Variants in NCAM2 observed in about 807,000 individuals in gnomAD.
NCAM2 encodes the protein N-CAM-2.
A neutral mutation model predicts 98.1 loss-of-function variants in NCAM2; 30 were observed. The observed-to-expected ratio is 0.31, with a 90% CI of 0.23 to 0.41. The LOEUF (loss-of-function observed/expected upper bound fraction) is 0.41. NCAM2 is among the 10% of genes least tolerant of loss of function. NCAM2 has a pLI of 1.00. For missense variants in NCAM2, 867 were observed against 1,005.8 expected, an observed-to-expected ratio of 0.86 and a Z score of 1.87; for synonymous variants, 368 against 342.4, an observed-to-expected ratio of 1.07 and a Z score of -0.83.
chr21:21,074,642 G>A (rs913439317), intron 1 of NCAM2, among the ~76,000 whole-genome samples: 1 of 152,184 alleles, frequency 6.6e-6, no homozygotes, highest in Non-Finnish European at 1.5e-5. Context: ...AGGTGGAGAA[G>A]GTGAGAAGCA....
intron 12 of NCAM2, among the ~76,000 whole-genome samples, chr21:21,455,586 A>T (rs1982025484): frequency 6.6e-6 from 1 of 152,052 alleles, no homozygotes; most frequent in Non-Finnish European, 1.5e-5. Flanking sequence ...TATCAAAATA[A>T]CGTGTAATCT....
At chr21:21,258,286 A>C (rs112345779) in intron 1 of NCAM2, among the ~76,000 whole-genome samples, 2,915 of 152,262 alleles carry the variant, frequency 0.019, 93 homozygotes, top group African/African-American at 0.067. Context: ...GGGGATTTTC[A>C]AGATGGCTGA....
intron 1 of NCAM2, among the ~76,000 whole-genome samples, chr21:21,127,270 A>G (rs2066845551): frequency 6.6e-6 from 1 of 151,884 alleles, no homozygotes; most frequent in African/African-American, 2.4e-5. Context: ...TTTTCTCTGA[A>G]ACGAAAAACT....
chr21:21,529,345 T>G (rs1989499199), intron 16 of NCAM2, among the ~76,000 whole-genome samples: 1 of 152,236 alleles, frequency 6.6e-6, no homozygotes, highest in Non-Finnish European at 1.5e-5. Context: ...AACATGAAAT[T>G]TTCAATATTA....
In NCAM2 at chr21:21,338,482, A is replaced by G; in HGVS notation, c.992A>G (p.Glu331Gly). Residue 331 changes from glutamate to glycine, a missense_variant, in exon 8 of 18, where the codon GAA (glutamate) becomes GGA (glycine). Glu to Gly is a moderately conservative substitution (Grantham distance 98, BLOSUM62 -2). This residue lies in a region of NCAM2 where 447 missense variants were observed against 495.7 expected (regional missense o/e 0.90). Transcript: ENST00000400546. ...VCDAEGEPIP[E>G]ITWKRAVDGF... ...GATGCGGAAGGGGAGCCTATTCCAG[A>G]AATCACTTGGAAAAGAGCTGTGGAT... 6.2e-7 allele frequency: 1 copy of G among 1,612,850 alleles called. No individual in the cohort carries two copies. The highest frequency in any genetic ancestry group is 8.5e-7 in the Non-Finnish European group (1 of 1,179,386).
chr21:21,511,951 G>C (rs1369542781), intron 16 of NCAM2, among the ~76,000 whole-genome samples: 1 of 151,562 alleles, frequency 6.6e-6, no homozygotes, highest in Admixed American at 6.6e-5. Flanking sequence ...TATTTGTTTT[G>C]TTTTTTTCCT....
intron 1 of NCAM2, among the ~76,000 whole-genome samples, chr21:21,222,995 C>T (rs957511957): frequency 1.3e-5 from 2 of 152,222 alleles, no homozygotes; most frequent in Non-Finnish European, 2.9e-5. Flanking sequence ...GCAGCCATGA[C>T]GTTGATGCAA....
chr21:21,103,300 T>C (rs2066282116), intron 1 of NCAM2, among the ~76,000 whole-genome samples: 1 of 152,026 alleles, frequency 6.6e-6, no homozygotes, highest in Non-Finnish European at 1.5e-5. Context: ...CTGGACACTT[T>C]TCATTTCTTG....
At position 21,466,641 on chromosome 21, in the gene NCAM2, A is replaced by G; in HGVS notation, c.1690A>G (p.Thr564Ala). Residue 564 changes from threonine (T) to alanine (A), a missense_variant, in exon 13 of 18, where the codon ACT (threonine) becomes GCT (alanine). Transcript: ENST00000400546. The part of the protein sequence containing the change: ...VVLNNLEPNT[T>A]YEIRVAAVNG... ...TTTGAACAACCTGGAACCAAATACAACTTATGAAATCAGGGTTGCAGCTGT... is the reference window on the plus strand; with the variant it reads ...TTTGAACAACCTGGAACCAAATACAGCTTATGAAATCAGGGTTGCAGCTGT... 6.2e-7 allele frequency: 1 copy of G among 1,608,402 alleles called. No homozygotes were observed. The highest frequency in any genetic ancestry group is 8.5e-7 in the Non-Finnish European group (1 of 1,176,720).
intron 1 of NCAM2, among the ~76,000 whole-genome samples, chr21:21,068,377 G>T (rs768531803): frequency 6.6e-6 from 1 of 150,550 alleles, no homozygotes; most frequent in Non-Finnish European, 1.5e-5. Context: ...CAGGTGATCC[G>T]CCTGCCTTGG....
chr21:21,454,825 T>C (rs1981883026), intron 12 of NCAM2, among the ~76,000 whole-genome samples: 1 of 151,894 alleles, frequency 6.6e-6, no homozygotes, highest in South Asian at 2.1e-4. Context: ...TGCTCTGTGG[T>C]TTTGTAGCAG....
Position 21,244,831 on chromosome 21 carries a change from G to A in NCAM2, c.56-35747G>A, listed in dbSNP as rs1054012289. Among the ~76,000 whole-genome samples, 4 of 117,120 alleles carry A rather than the reference G, an allele frequency of 3.4e-5. 1 individual carries two copies. The East Asian group carries it at 1.2e-3, about 34-fold the overall frequency. 76.8% of individuals were successfully genotyped at this position (117,120 alleles called of 152,430 possible). A position where few individuals can be genotyped will look rare whatever the true frequency, so the allele number is the denominator to read the frequency against. ...CACTGCACTCCTACCTGGGGACAGA[G>A]TGAGACTCTGTCTAAAAAAAAAAAA... On this transcript the variant is annotated intron_variant, in intron 1 of 17. Transcript: ENST00000400546.
chr21:21,229,534 G>A (rs183816054), intron 1 of NCAM2, among the ~76,000 whole-genome samples: 7 of 151,642 alleles, frequency 4.6e-5, no homozygotes, highest in Non-Finnish European at 7.4e-5. Context: ...CAATGGCTCA[G>A]CTCTTATAGA....
At chr21:21,323,075 G>A (rs2074419367) in intron 5 of NCAM2, among the ~76,000 whole-genome samples, 1 of 152,110 alleles carries the variant, frequency 6.6e-6, no homozygotes, top group African/African-American at 2.4e-5. Flanking sequence ...AACCTTTACT[G>A]TAATAAAAAG....
chr21:21,434,487 T>A lies in NCAM2; in HGVS notation c.1654+2206T>A, dbSNP rs150773114. Among the ~76,000 whole-genome samples the A allele has an allele frequency of 7.7e-4, 118 of 152,306 alleles. 1 individual carries two copies. The highest frequency in any genetic ancestry group is 1.5e-3 in the Non-Finnish European group (102 of 68,014). ...TGTTGATTCATCTTCCATAGGTATG[T>A]TAATGAGTACCTTAAAATCAAGTTA... On this transcript the variant is annotated intron_variant, in intron 12 of 17. Transcript: ENST00000400546.
chr21:21,374,291 G>A (rs943085226), intron 9 of NCAM2, among the ~76,000 whole-genome samples: 1 of 151,760 alleles, frequency 6.6e-6, no homozygotes, highest in Admixed American at 6.6e-5. Context: ...AGTATCAACT[G>A]AAAAATATTA....
chr21:21,248,239 T>G (rs997940622), intron 1 of NCAM2, among the ~76,000 whole-genome samples: 2 of 151,394 alleles, frequency 1.3e-5, no homozygotes, highest in Non-Finnish European at 2.9e-5. Flanking sequence ...AGAGCTTATT[T>G]AAAAAAAAAC....
At chr21:21,008,637 G>T (rs1167944200) in intron 1 of NCAM2, among the ~76,000 whole-genome samples, 2 of 152,024 alleles carry the variant, frequency 1.3e-5, no homozygotes, top group East Asian at 3.8e-4. Flanking sequence ...TTACTTAAAG[G>T]TTTGTTTTAC....
chr21:21,094,412 G>A (rs1164204419), intron 1 of NCAM2, among the ~76,000 whole-genome samples: 1 of 151,642 alleles, frequency 6.6e-6, no homozygotes, highest in Non-Finnish European at 1.5e-5. Context: ...GGTGATATAA[G>A]GACAGTTAAT....
Sources: allele counts gnomAD v4.1 joint callset (sites outside exome capture counted in the v4.1 genomes callset), GRCh38; gene constraint gnomAD v4.1.1; regional missense constraint gnomAD v4.1.1; transcripts MANE v1.5; gene names NCBI Gene and HGNC (gene_info 2026-07-23, HGNC 2026-07-21).